DPP10: variants seen among roughly 807,000 people sequenced by gnomAD.
The protein encoded by DPP10 is dipeptidyl peptidase like 10.
DPP10 carries 33 observed loss-of-function variants against 120.9 expected under a neutral mutation model. The observed-to-expected ratio is 0.27, with a 90% CI of 0.21 to 0.37. The LOEUF (loss-of-function observed/expected upper bound fraction) is 0.37. Ranked by LOEUF, DPP10 falls within the 10% of genes least tolerant of loss-of-function variation. DPP10 has a pLI of 1.00. For missense variants in DPP10, 816 were observed against 942.8 expected (o/e 0.87, Z 1.76); for synonymous variants, 337 against 326.1 (o/e 1.03, Z -0.36).
rs139434127 is a variant in DPP10, at chr2:114,872,144, C to T, written c.60+429306C>T. On this transcript the variant is annotated intron_variant, in intron 1 of 25. Coordinates refer to ENST00000410059, the MANE Select transcript of DPP10 (RefSeq NM_020868.6). ...CTGCTATGAAGAAATACCCAAGACT[C>T]GGTAATTTATAAAGGAAAGAGGTTT... is the stretch of plus-strand genomic sequence containing the variant. Among the ~76,000 whole-genome samples the T allele has an allele frequency of 7.7e-3, 1,166 of 152,148 alleles. 7 individuals carry two copies. The highest frequency in any genetic ancestry group is 0.027 in the African/African-American group (1,108 of 41,512).
At chr2:115,036,533 C>T (rs544021116) in intron 1 of DPP10, among the ~76,000 whole-genome samples, 2 of 152,234 alleles carry the variant, frequency 1.3e-5, no homozygotes, top group African/African-American at 2.4e-5. Context: ...TTTTGATTAT[C>T]GCACCATTGT....
At chr2:115,280,507 A>G (rs1367728178) in intron 1 of DPP10, among the ~76,000 whole-genome samples, 1 of 152,204 alleles carries the variant, frequency 6.6e-6, no homozygotes, top group East Asian at 1.9e-4. Context: ...CTTCTCACAC[A>G]TAAGCAATAT....
At chr2:114,818,960 G>T (rs1685862068) in intron 1 of DPP10, among the ~76,000 whole-genome samples, 1 of 152,074 alleles carries the variant, frequency 6.6e-6, no homozygotes, top group African/African-American at 2.4e-5. Context: ...ATGAGTTTGA[G>T]TCTCCAAAAT....
chr2:115,223,902 A>G (rs1273757150), intron 1 of DPP10, among the ~76,000 whole-genome samples: 3 of 152,186 alleles, frequency 2.0e-5, no homozygotes, highest in South Asian at 2.1e-4. Context: ...TGATATATCA[A>G]TACTTTGGAA....
chr2:115,715,709 G>A (rs994268023), intron 7 of DPP10, among the ~76,000 whole-genome samples: 7 of 152,056 alleles, frequency 4.6e-5, no homozygotes, highest in African/African-American at 7.2e-5. Context: ...GTGCATACCC[G>A]CACAATTGTA....
intron 7 of DPP10, among the ~76,000 whole-genome samples, chr2:115,701,920 C>T (rs1293806541): frequency 2.0e-5 from 3 of 150,280 alleles, no homozygotes; most frequent in Admixed American, 6.6e-5. Flanking sequence ...TAACCATTTT[C>T]GGTAGGTAAA....
chr2:115,832,370 G>A (rs1203406746), intron 21 of DPP10, among the ~76,000 whole-genome samples: 6 of 152,092 alleles, frequency 3.9e-5, no homozygotes, highest in Non-Finnish European at 7.4e-5. Flanking sequence ...CGCACCTGTG[G>A]TCCCAGCTAC....
chr2:115,384,381 C>T (rs1217456846), intron 3 of DPP10, among the ~76,000 whole-genome samples: 1 of 135,808 alleles, frequency 7.4e-6, no homozygotes, highest in Non-Finnish European at 1.6e-5. Flanking sequence ...CTCAGAAAAG[C>T]AGAAGCAGAA....
At chr2:115,627,949 G>T (rs2149305593) in intron 5 of DPP10, among the ~76,000 whole-genome samples, 1 of 152,240 alleles carries the variant, frequency 6.6e-6, no homozygotes, top group South Asian at 2.1e-4. Flanking sequence ...TCATATCTTT[G>T]CTATTGTGAA....
intron 1 of DPP10, among the ~76,000 whole-genome samples, chr2:115,240,055 A>G (rs560457986): frequency 1.2e-4 from 18 of 152,352 alleles, no homozygotes; most frequent in South Asian, 4.1e-4. Context: ...TAGAGCTGCA[A>G]TAAACATACG....
intron 1 of DPP10, among the ~76,000 whole-genome samples, chr2:115,012,967 T>C (rs1394109768): frequency 2.0e-5 from 3 of 152,200 alleles, no homozygotes; most frequent in Non-Finnish European, 4.4e-5. Context: ...AGTCTTTGTC[T>C]TTTAATTGGG....
intron 3 of DPP10, among the ~76,000 whole-genome samples, chr2:115,440,156 C>CGTGT (rs146453120): frequency 1.3e-5 from 2 of 149,200 alleles, no homozygotes; most frequent in Non-Finnish European, 3.0e-5. Flanking sequence ...TGTGTGTGTG[C>CGTGT]GTGTGTGTGT....
intron 1 of DPP10, among the ~76,000 whole-genome samples, chr2:114,732,347 G>T (rs1197028250): frequency 6.6e-6 from 1 of 152,090 alleles, no homozygotes; most frequent in African/African-American, 2.4e-5. Flanking sequence ...AGGGAGAGTG[G>T]TCCTTAATTT....
At chr2:115,266,192 A>C (rs1210954998) in intron 1 of DPP10, among the ~76,000 whole-genome samples, 2 of 152,194 alleles carry the variant, frequency 1.3e-5, no homozygotes, top group Non-Finnish European at 2.9e-5. Flanking sequence ...ACTGTGAGAT[A>C]AACATGAAAC....
At chr2:114,655,383 G>A (rs1001782191) in intron 1 of DPP10, among the ~76,000 whole-genome samples, 1 of 152,138 alleles carries the variant, frequency 6.6e-6, no homozygotes, top group African/African-American at 2.4e-5. Context: ...ATTTCTGTTT[G>A]GCTTCAGCAA....
chr2:114,632,503 G>GTTTTTTTTTTTTT (rs756591992), intron 1 of DPP10, among the ~76,000 whole-genome samples: 1 of 88,622 alleles, frequency 1.1e-5, no homozygotes, highest in African/African-American at 4.6e-5. Context: ...TGGACTTAGG[G>GTTTTTTTTTTTTT]TTTTTTTTTT....
chr2:115,768,217 C>A, intron 12 of DPP10, 80 bp from the exon 13 acceptor site: 3 of 1,170,470 alleles, frequency 2.6e-6, no homozygotes, highest in Non-Finnish European at 3.7e-6. Context: ...TTGGTATAAC[C>A]CATGCAGGAA....
chr2:115,496,454 C>A lies in DPP10; in HGVS notation c.272-3056C>A, dbSNP rs187075491. ...TAAATAAACTGATATTAAGTGTAGTCTTTATCTTTTCAAACAAGCTTCACT... is the reference window on the plus strand; with the variant it reads ...TAAATAAACTGATATTAAGTGTAGTATTTATCTTTTCAAACAAGCTTCACT... On this transcript the variant is annotated intron_variant, in intron 3 of 25. Coordinates refer to ENST00000410059, the MANE Select transcript of DPP10 (RefSeq NM_020868.6). Among the ~76,000 whole-genome samples the A allele has an allele frequency of 6.6e-5, 10 of 152,050 alleles. No homozygotes were observed. In the East Asian group the frequency reaches 1.7e-3, roughly 27 times the overall value.
chr2:114,757,208 T>G (rs114907573), intron 1 of DPP10, among the ~76,000 whole-genome samples: 2,094 of 95,782 alleles, frequency 0.022, 70 homozygotes, highest in African/African-American at 0.081. Flanking sequence ...GGGAGAAAAA[T>G]GGGCAGGAGG....
Sources: allele counts gnomAD v4.1 joint callset (sites outside exome capture counted in the v4.1 genomes callset), GRCh38; gene constraint gnomAD v4.1.1; transcripts MANE v1.5; gene names NCBI Gene and HGNC (gene_info 2026-07-23, HGNC 2026-07-21).